LRRC4C: variants seen among roughly 807,000 people sequenced by gnomAD.
LRRC4C encodes the protein leucine-rich repeat-containing protein 4C.
A neutral mutation model predicts 33.6 loss-of-function variants in LRRC4C; 5 were observed. The ratio of observed to expected loss-of-function variants is 0.15; its 90% confidence interval spans 0.08 to 0.31. The LOEUF is 0.31. LRRC4C is among the 10% of genes least tolerant of loss of function. The pLI, the probability that LRRC4C is intolerant of heterozygous loss-of-function variation, is 1.00. For missense variants in LRRC4C, 560 were observed against 796.7 expected, an observed-to-expected ratio of 0.70 and a Z score of 3.58; for synonymous variants, 329 against 302.0, an observed-to-expected ratio of 1.09 and a Z score of -0.93.
chr11:40,625,370 A>T (rs4756611), intron 3 of LRRC4C, among the ~76,000 whole-genome samples: 1 of 151,648 alleles, frequency 6.6e-6, no homozygotes, highest in African/African-American at 2.4e-5. Context: ...AGGCCTCACT[A>T]ACATAAGGGA....
At chr11:41,442,434 G>A (rs909384999) in intron 1 of LRRC4C, among the ~76,000 whole-genome samples, 4 of 131,496 alleles carry the variant, frequency 3.0e-5, no homozygotes, top group Admixed American at 3.0e-4. Context: ...TCAAGACACA[G>A]TTCTCTCTCT....
chr11:41,446,455 C>T (rs564530055), intron 1 of LRRC4C, among the ~76,000 whole-genome samples: 129 of 152,238 alleles, frequency 8.5e-4, no homozygotes, highest in Non-Finnish European at 1.2e-3. Flanking sequence ...CCAAGTTAGC[C>T]TCACTGGCAG....
intron 2 of LRRC4C, among the ~76,000 whole-genome samples, chr11:40,779,908 A>C (rs558044072): frequency 6.6e-6 from 1 of 152,292 alleles, no homozygotes; most frequent in African/African-American, 2.4e-5. Context: ...ATAAGATATA[A>C]ATGGTTGTAC....
intron 2 of LRRC4C, among the ~76,000 whole-genome samples, chr11:40,751,665 G>A (rs1948696671): frequency 1.3e-5 from 2 of 151,950 alleles, no homozygotes; most frequent in Admixed American, 6.6e-5. Context: ...TCATTAAAAC[G>A]ATCATACTGC....
intron 3 of LRRC4C, among the ~76,000 whole-genome samples, chr11:40,444,780 A>C (rs1221469022): frequency 2.0e-5 from 3 of 152,294 alleles, no homozygotes; most frequent in East Asian, 3.9e-4. Context: ...ATATACAAGG[A>C]CTGTCAAATT....
At chr11:40,442,162 CAAAAAAAA>C (rs1158464665) in intron 3 of LRRC4C, among the ~76,000 whole-genome samples, 25 of 56,200 alleles carry the variant, frequency 4.4e-4, no homozygotes, top group Middle Eastern at 0.014. Context: ...GACTCCATTT[CAAAAAAAA>C]AAAAAAAAAA....
chr11:40,956,045 C>G (rs1365244691), intron 1 of LRRC4C, among the ~76,000 whole-genome samples: 4 of 151,782 alleles, frequency 2.6e-5, no homozygotes, highest in Non-Finnish European at 4.4e-5. Context: ...CTATATACTC[C>G]TGTTAGCTTT....
chr11:40,442,447 G>A (rs909796410), intron 3 of LRRC4C, among the ~76,000 whole-genome samples: 1 of 152,158 alleles, frequency 6.6e-6, no homozygotes, highest in African/African-American at 2.4e-5. Context: ...TCCAGGTGCA[G>A]CTGGAGAGAT....
Position 40,114,464 on chromosome 11 carries a change from G to A in LRRC4C, c.1829C>T (p.Thr610Ile), listed in dbSNP as rs1311348991. ...SYKSPFNHTTTVNTINSIHSS... is the reference protein window; with the variant it reads ...SYKSPFNHTTIVNTINSIHSS... The stretch of plus-strand genomic sequence containing the variant: ...GTGTATTGAATTTATTGTGTTAACT[G>A]TTGTTGTGTGGTTGAAGGGAGATTT... The change falls in exon 7 of 7, where the codon ACA (threonine) becomes ATA (isoleucine). Residue 610 changes from threonine to isoleucine, a missense_variant. Around this residue, in one of 3 missense-constraint regions of LRRC4C, gnomAD observed 103 missense variants for 132.1 expected, o/e 0.78. Transcript: ENST00000528697. The A allele has an allele frequency of 6.2e-7, 1 of 1,614,104 alleles. No homozygotes were observed.
At chr11:40,742,868 C>G (rs772246667) in intron 2 of LRRC4C, among the ~76,000 whole-genome samples, 3 of 152,050 alleles carry the variant, frequency 2.0e-5, no homozygotes, top group African/African-American at 7.2e-5. Flanking sequence ...TATGTGAGTA[C>G]AGAGTAGGCT....
chr11:40,576,938 A>G (rs1958217601), intron 3 of LRRC4C, among the ~76,000 whole-genome samples: 1 of 152,184 alleles, frequency 6.6e-6, no homozygotes, highest in Non-Finnish European at 1.5e-5. Context: ...TGAGCCTTTG[A>G]GGCTTGATTA....
intron 1 of LRRC4C, among the ~76,000 whole-genome samples, chr11:41,307,746 T>C (rs1233278418): frequency 6.6e-6 from 1 of 152,174 alleles, no homozygotes; most frequent in African/African-American, 2.4e-5. Context: ...GAGACACAAT[T>C]TGAGATTCTT....
intron 1 of LRRC4C, among the ~76,000 whole-genome samples, chr11:41,343,877 T>C (rs1951717416): frequency 6.6e-6 from 1 of 152,234 alleles, no homozygotes; most frequent in Admixed American, 6.5e-5. Flanking sequence ...GAGGTACTTA[T>C]GCTTCTCTCT....
chr11:40,925,974 A>G (rs1199704737), intron 2 of LRRC4C, among the ~76,000 whole-genome samples: 1 of 152,020 alleles, frequency 6.6e-6, no homozygotes, highest in Non-Finnish European at 1.5e-5. Context: ...TTGAGTGCTT[A>G]TTTAAATGTA....
chr11:40,581,555 TG>T (rs1565525649), intron 3 of LRRC4C, among the ~76,000 whole-genome samples: 1 of 152,206 alleles, frequency 6.6e-6, no homozygotes, highest in East Asian at 1.9e-4. Context: ...TTTACAAGAA[TG>T]GCATGTCACC....
intron 3 of LRRC4C, among the ~76,000 whole-genome samples, chr11:40,622,953 A>G (rs1962594147): frequency 2.6e-5 from 4 of 152,076 alleles, no homozygotes; most frequent in South Asian, 4.1e-4. Flanking sequence ...ATGTATCTAC[A>G]CATCCATGAT....
intron 1 of LRRC4C, among the ~76,000 whole-genome samples, chr11:41,444,360 T>C (rs2138572126): frequency 6.6e-6 from 1 of 152,342 alleles, no homozygotes; most frequent in East Asian, 1.9e-4. Flanking sequence ...TGTATTACAA[T>C]TTATAAATAA....
intron 1 of LRRC4C, among the ~76,000 whole-genome samples, chr11:41,254,133 C>T (rs1325069852): frequency 6.6e-6 from 1 of 151,858 alleles, no homozygotes; most frequent in East Asian, 1.9e-4. Context: ...TTTATTCATC[C>T]TTTTTATTAA....
At chr11:40,518,047 G>C (rs529128767) in intron 3 of LRRC4C, among the ~76,000 whole-genome samples, 6 of 152,234 alleles carry the variant, frequency 3.9e-5, no homozygotes, top group Non-Finnish European at 7.4e-5. Context: ...TGGGAAAACT[G>C]GCTAGCCATA....
Sources: allele counts gnomAD v4.1 joint callset (sites outside exome capture counted in the v4.1 genomes callset), GRCh38; gene constraint gnomAD v4.1.1; regional missense constraint gnomAD v4.1.1; transcripts MANE v1.5; gene names NCBI Gene and HGNC (gene_info 2026-07-23, HGNC 2026-07-21).